Variants in DLC1 observed in about 807,000 individuals in gnomAD.
DLC1 encodes rho GTPase-activating protein 7.
DLC1 carries 54 observed loss-of-function variants against 140.3 expected under a neutral mutation model. That is an observed-to-expected ratio of 0.38 (90% CI 0.31 to 0.48). The LOEUF is 0.48. DLC1 is among the 20% of genes least tolerant of loss of function. The probability of loss-of-function intolerance (pLI) is 0.96; values close to 1 mark genes in which losing one functional copy is unlikely to be tolerated. For missense variants in DLC1, 2,536 were observed against 1,907.0 expected (o/e 1.33, Z -6.14); for synonymous variants, 986 against 728.1 (o/e 1.35, Z -5.70).
intron 4 of DLC1, among the ~76,000 whole-genome samples, chr8:13,393,262 G>C (rs937844223): frequency 2.7e-5 from 4 of 148,398 alleles, no homozygotes; most frequent in African/African-American, 7.4e-5. Context: ...GGCATCTCCA[G>C]ATTTTGCATT....
chr8:13,098,657 C>T lies in DLC1; in HGVS notation c.2991-82G>A, dbSNP rs1442984485. 29 of 1,436,624 alleles carry T rather than the reference C, an allele frequency of 2.0e-5. No homozygotes were observed. In the South Asian group the frequency reaches 4.0e-4, roughly 20 times the overall value. 89.0% of individuals were successfully genotyped at this position (1,436,624 alleles called of 1,614,324 possible). ...ATTTTATTTTTTCTTGCTCTGTTGC[C>T]CAGGCTGGAGTGCAGTGGTGCCATC... On this transcript the variant is annotated intron_variant, in intron 9 of 17. Transcript: ENST00000276297.
At chr8:13,514,463 A>G (rs1802515219) in intron 1 of DLC1, 139 bp downstream of exon 1, 1 of 396,876 alleles carries the variant, frequency 2.5e-6, no homozygotes, top group African/African-American at 2.1e-5. Flanking sequence ...CTTATCAAAC[A>G]TTTTCCACTT....
intron 6 of DLC1, among the ~76,000 whole-genome samples, chr8:13,111,090 T>C (rs1340272114): frequency 6.6e-6 from 1 of 152,230 alleles, no homozygotes; most frequent in East Asian, 1.9e-4. Context: ...CATTGTTATA[T>C]GTTTAAACAA....
chr8:13,357,702 T>G (rs991282758), intron 4 of DLC1, among the ~76,000 whole-genome samples: 1 of 152,238 alleles, frequency 6.6e-6, no homozygotes, highest in African/African-American at 2.4e-5. Flanking sequence ...CTTTTCATCT[T>G]CAGGTTTTCT....
chr8:13,100,123 C>A lies in DLC1; in HGVS notation c.2214G>T (p.Thr738=), dbSNP rs770565565. 5 of 1,613,972 alleles carry A rather than the reference C, an allele frequency of 3.1e-6. No homozygotes were observed. Among genetic ancestry groups the A allele is most frequent in the Non-Finnish European group, 4.2e-6 (5 of 1,180,032 alleles). The part of the protein sequence containing the change: ...MVRKRSVSNS[T]QTSSSSSQSE... The stretch of plus-strand genomic sequence containing the variant: ...ACTGGCTGCTGCTGCTGCTGGTCTG[C>A]GTGGAGTTGGAAACGCTCCTCTTTC... The change falls in exon 9 of 18, where the codon ACG becomes ACT. Residue 738 remains threonine (T), a synonymous_variant. Coordinates refer to ENST00000276297, the MANE Select transcript of DLC1 (RefSeq NM_182643.3).
chr8:13,281,191 C>T (rs767739210), intron 5 of DLC1, among the ~76,000 whole-genome samples: 14 of 152,168 alleles, frequency 9.2e-5, no homozygotes, highest in Admixed American at 3.9e-4. Flanking sequence ...ATCTTTAGTG[C>T]ATTTGCTCTG....
rs1022513059 is a variant in DLC1, at chr8:13,538,571, G to T, written c.-125-38375C>A. ...TTGTTGTGAGTCTTTACCCAGTTAA[G>T]TGAGGAGTTTACTCTATCTGGGTAT... is the stretch of plus-strand genomic sequence containing the variant. On this transcript the variant is annotated intron_variant, in intron 1 of 1. Transcript: ENST00000631382. 2.3e-4 allele frequency among the ~76,000 whole-genome samples: 35 copies of T among 152,264 alleles called. 1 individual carries two copies. The highest frequency in any genetic ancestry group is 1.9e-3 in the Admixed American group (29 of 15,292).
At chr8:13,191,232 C>T (rs760403547) in intron 5 of DLC1, among the ~76,000 whole-genome samples, 3 of 152,190 alleles carry the variant, frequency 2.0e-5, no homozygotes, top group South Asian at 2.1e-4. Flanking sequence ...ATTGGCCAGG[C>T]ACAGTGGCTC....
intron 4 of DLC1, among the ~76,000 whole-genome samples, chr8:13,315,718 C>A (rs62492884): frequency 0.29 from 43,486 of 152,060 alleles, 6,931 homozygotes; most frequent in East Asian, 0.42. Context: ...ACCCAGCTTT[C>A]CTTTCTATCC....
intron 1 of DLC1, among the ~76,000 whole-genome samples, chr8:13,501,860 T>A (rs1801836820): frequency 6.6e-6 from 1 of 152,150 alleles, no homozygotes; most frequent in East Asian, 1.9e-4. Context: ...CTACGGAAAG[T>A]GGAAAGAACA....
intron 4 of DLC1, among the ~76,000 whole-genome samples, chr8:13,360,655 T>G (rs1465110304): frequency 6.6e-6 from 1 of 152,094 alleles, no homozygotes; most frequent in East Asian, 1.9e-4. Context: ...CTGTGTTTTT[T>G]GGTTGCATAG....
chr8:13,442,329 G>A (rs1044012338), intron 2 of DLC1, among the ~76,000 whole-genome samples: 4 of 152,128 alleles, frequency 2.6e-5, no homozygotes, highest in Non-Finnish European at 5.9e-5. Context: ...AAAAGCAATG[G>A]CAACAAAAGT....
At chr8:13,418,360 A>C (rs1024762000) in intron 2 of DLC1, among the ~76,000 whole-genome samples, 1 of 152,194 alleles carries the variant, frequency 6.6e-6, no homozygotes, top group Non-Finnish European at 1.5e-5. Context: ...CTAACGTTTC[A>C]GTCTTTAATC....
intron 5 of DLC1, among the ~76,000 whole-genome samples, chr8:13,266,007 C>T (rs1036525928): frequency 6.6e-5 from 10 of 152,216 alleles, no homozygotes; most frequent in African/African-American, 2.2e-4. Context: ...TATGCGGAGC[C>T]AAAGAGCTTT....
intron 1 of DLC1, among the ~76,000 whole-genome samples, chr8:13,574,029 C>G (rs919952538): frequency 2.0e-5 from 3 of 152,062 alleles, no homozygotes; most frequent in African/African-American, 7.2e-5. Context: ...GAAGGGCTTC[C>G]AAACAATGAA....
chr8:13,088,316 A>T (rs1390366317), intron 16 of DLC1, among the ~76,000 whole-genome samples, 171 bp downstream of exon 16: 4 of 152,200 alleles, frequency 2.6e-5, no homozygotes, highest in African/African-American at 7.2e-5. Context: ...TGCTGGCCTC[A>T]AGTGATCCTC....
chr8:13,165,747 C>A (rs956955666), intron 5 of DLC1, among the ~76,000 whole-genome samples: 1 of 152,108 alleles, frequency 6.6e-6, no homozygotes, highest in Non-Finnish European at 1.5e-5. Context: ...TGAAAAGGGC[C>A]GACCACACAT....
At chr8:13,532,905 A>T (rs898128147) in intron 1 of DLC1, among the ~76,000 whole-genome samples, 4 of 152,220 alleles carry the variant, frequency 2.6e-5, no homozygotes, top group African/African-American at 7.2e-5. Flanking sequence ...TTCCAATGAT[A>T]TAAGTTAAAA....
chr8:13,442,703 C>G (rs1798577240), intron 2 of DLC1, among the ~76,000 whole-genome samples: 1 of 152,144 alleles, frequency 6.6e-6, no homozygotes, highest in Non-Finnish European at 1.5e-5. Flanking sequence ...AGTCAGGAAA[C>G]AACAGTGCTG....
Sources: gnomAD v4.1 joint callset for allele counts (sites outside exome capture counted in the v4.1 genomes callset) on GRCh38, gnomAD v4.1.1 for gene constraint, MANE v1.5 for transcripts, NCBI Gene and HGNC (gene_info 2026-07-23, HGNC 2026-07-21) for gene names.